Variants in CTTN observed in about 807,000 individuals in gnomAD.
CTTN encodes src substrate cortactin.
CTTN carries 28 observed loss-of-function variants against 84.0 expected under a neutral mutation model. The ratio of observed to expected loss-of-function variants is 0.33; its 90% CI spans 0.25 to 0.46. CTTN has a LOEUF of 0.46. Among genes scored for constraint, CTTN ranks in the 20% least tolerant of loss-of-function variants. CTTN has a pLI of 1.00. For missense variants in CTTN, 641 were observed against 723.8 expected (o/e 0.89, Z 1.31); for synonymous variants, 301 against 288.8 (o/e 1.04, Z -0.43).
intron 6 of CTTN, 48 bp downstream of exon 6, chr11:70,414,700 G>A (rs369219541): frequency 3.4e-4 from 480 of 1,397,276 alleles, no homozygotes; most frequent in Non-Finnish European, 4.5e-4. Context: ...CAAGGGGGGC[G>A]TTCCCCGTAG....
Position 70,436,488 on chromosome 11 carries a change from C to A in CTTN, c.*1326C>A. 2 of 1,222,080 alleles carry A rather than the reference C, an allele frequency of 1.6e-6. No individual in the cohort carries two copies. The highest frequency in any genetic ancestry group is 2.3e-6 in the Non-Finnish European group (2 of 855,592). 75.7% of individuals were successfully genotyped at this position (1,222,080 alleles called of 1,614,324 possible). On this transcript the variant is annotated 3_prime_UTR_variant, in exon 18 of 18. Coordinates refer to ENST00000301843, the MANE Select transcript of CTTN (RefSeq NM_005231.4). ...GAGCAATGAGGTCGGGTTTTATATG[C>A]AACTTATTGTATCTGAATTCCTGTA...
At position 70,420,357 on chromosome 11, in the gene CTTN, C is replaced by T. The variant is rs1345309940; in HGVS notation, c.680-43C>T. On this transcript the variant is annotated intron_variant, in intron 9 of 17. Transcript: ENST00000301843. ...ACATACTTTCCACCTGTGACCTGCACTACCTGTTAATGATGGGTTCTGGCC... is the reference window on the plus strand; with the variant it reads ...ACATACTTTCCACCTGTGACCTGCATTACCTGTTAATGATGGGTTCTGGCC... 2.3e-6 allele frequency: 3 copies of T among 1,313,280 alleles called. No homozygotes were observed. The Admixed American group carries it at 5.0e-5, about 22-fold the overall frequency. The allele number at this position is 1,313,280 out of a possible 1,614,324, so 81.4% of individuals were successfully genotyped here.
intron 8 of CTTN, among the ~76,000 whole-genome samples, chr11:70,418,817 G>C (rs1180726602): frequency 1.4e-5 from 2 of 140,526 alleles, no homozygotes; most frequent in African/African-American, 5.4e-5. Context: ...TCTCTCTCTC[G>C]CCAGGCTGGA....
chr11:70,423,120 G>T (rs2058260083), intron 12 of CTTN, 125 bp downstream of exon 12: 2 of 1,177,634 alleles, frequency 1.7e-6, no homozygotes, highest in South Asian at 1.4e-5. Context: ...TCGTGGTGGT[G>T]GTGGTGGTGG....
At chr11:70,407,198 G>A (rs1008454035) in intron 2 of CTTN, 100 bp from the exon 3 acceptor site, 18 of 903,776 alleles carry the variant, frequency 2.0e-5, no homozygotes, top group Non-Finnish European at 2.6e-5. Context: ...GTCCTCCTGG[G>A]TTGCCTAGAA....
At chr11:70,422,798 T>C in intron 11 of CTTN, 142 bp from the exon 12 acceptor site, 1 of 1,499,502 alleles carries the variant, frequency 6.7e-7, no homozygotes, top group Non-Finnish European at 9.0e-7. Context: ...GCCTTGCAAG[T>C]GAAGCCTCGC....
At chr11:70,416,748 A>G (rs896764895) in intron 7 of CTTN, 1 of 376,260 alleles carries the variant, frequency 2.7e-6, no homozygotes, top group Admixed American at 4.1e-5. Context: ...GTTGATTTTC[A>G]AAGTGGGCAT....
chr11:70,407,247 C>G, intron 2 of CTTN, 51 bp from the exon 3 acceptor site: 1 of 1,496,822 alleles, frequency 6.7e-7, no homozygotes, highest in East Asian at 2.5e-5. Context: ...CTGCTGGCCT[C>G]TGTGGATGGC....
In CTTN at chr11:70,416,984, C is replaced by A. The variant is rs146240174; in HGVS notation, c.458-29C>A. ...AACAGTGTAGTTCGTCCTCAGGCCC[C>A]CGTGCTAATTGCTGCCCTGTCTCTC... On this transcript the variant is annotated intron_variant, in intron 7 of 17. Transcript: ENST00000301843. 9.8e-4 allele frequency: 1,500 copies of A among 1,525,490 alleles called. 16 individuals are homozygous for A. The East Asian group carries it at 0.019, about 20-fold the overall frequency. The allele number at this position is 1,525,490 out of a possible 1,614,324, so 94.5% of individuals were successfully genotyped here. A position where few individuals can be genotyped will look rare whatever the true frequency, so the allele number is the denominator to read the frequency against.
At chr11:70,409,669 A>G (rs1169721014) in intron 4 of CTTN, among the ~76,000 whole-genome samples, 162 bp from the exon 5 acceptor site, 2 of 152,222 alleles carry the variant, frequency 1.3e-5, no homozygotes, top group African/African-American at 4.8e-5. Context: ...AGCCGGCAGA[A>G]TAGTCAGGAA....
rs777671644 is a variant in CTTN, at chr11:70,414,659, G to A, written c.402+7G>A. ...GATGGACAGAGTTGATCAGGTGAGTGATGTGGCACTGGGACTGGGGCAGGT... is the reference window on the plus strand; with the variant it reads ...GATGGACAGAGTTGATCAGGTGAGTAATGTGGCACTGGGACTGGGGCAGGT... On this transcript the variant is annotated splice_region_variant and intron_variant, in intron 6 of 17. Transcript: ENST00000301843. 1.2e-4 allele frequency: 185 copies of A among 1,607,060 alleles called. No individual in the cohort carries two copies. Among genetic ancestry groups the A allele is most frequent in the Non-Finnish European group, 1.5e-4 (181 of 1,173,740 alleles).
chr11:70,410,438 G>A (rs577129963), intron 5 of CTTN: 21 of 161,698 alleles, frequency 1.3e-4, no homozygotes, highest in East Asian at 6.8e-4. Context: ...AGTCTCCCTC[G>A]TGTAAATTCG....
At chr11:70,414,222 A>G (rs971772720) in intron 5 of CTTN, among the ~76,000 whole-genome samples, 3 of 151,912 alleles carry the variant, frequency 2.0e-5, no homozygotes, top group Non-Finnish European at 4.4e-5. Context: ...GCGGGTGCCT[A>G]TAGTCCCAGC....
chr11:70,416,901 C>T (rs1273541163), intron 7 of CTTN, 112 bp from the exon 8 acceptor site: 12 of 768,286 alleles, frequency 1.6e-5, no homozygotes, highest in South Asian at 4.4e-5. Context: ...TTAAAATGTG[C>T]GCTTGATGTG....
chr11:70,433,533 C>T, intron 16 of CTTN, 114 bp from the exon 17 acceptor site: 1 of 918,104 alleles, frequency 1.1e-6, no homozygotes, highest in Non-Finnish European at 1.8e-6. Flanking sequence ...AGGGTTTCAG[C>T]TGCCGCCCTG....
In CTTN at chr11:70,435,251, C is replaced by CTTTTTTT; in HGVS notation, c.*90_*91insTTTTTTT. The CTTTTTTT allele has an allele frequency of 1.0e-6, 1 of 978,292 alleles. No homozygotes were observed. Among genetic ancestry groups the CTTTTTTT allele is most frequent in the Non-Finnish European group, 1.3e-6 (1 of 778,564 alleles). 60.6% of individuals were successfully genotyped at this position (978,292 alleles called of 1,614,324 possible). ...GTTCTTGGGTGGTTTTGGGTTTTTTCTGTTTTTTTTTTTTTTTTTTTTTTT... is the reference window on the plus strand; with the variant it reads ...GTTCTTGGGTGGTTTTGGGTTTTTTCTTTTTTTTGTTTTTTTTTTTTTTTTTTTTTTT... On this transcript the variant is annotated 3_prime_UTR_variant, in exon 18 of 18. Coordinates refer to ENST00000301843, the MANE Select transcript of CTTN (RefSeq NM_005231.4).
intron 2 of CTTN, among the ~76,000 whole-genome samples, chr11:70,406,245 A>G (rs1195329170): frequency 2.0e-5 from 3 of 152,190 alleles, no homozygotes; most frequent in African/African-American, 4.8e-5. Context: ...CCTCACTGTC[A>G]CATTGGATTT....
At chr11:70,406,230 T>A (rs1340612712) in intron 2 of CTTN, among the ~76,000 whole-genome samples, 1 of 152,192 alleles carries the variant, frequency 6.6e-6, no homozygotes, top group East Asian at 1.9e-4. Context: ...CTGCCCTGAT[T>A]GGTCCCTCAC....
chr11:70,404,307 G>A (rs1010122769), intron 1 of CTTN, among the ~76,000 whole-genome samples: 1 of 152,144 alleles, frequency 6.6e-6, no homozygotes, highest in African/African-American at 2.4e-5. Context: ...GATTTCATTC[G>A]TCCATGTGTG....
Sources: allele counts gnomAD v4.1 joint callset (sites outside exome capture counted in the v4.1 genomes callset), GRCh38; gene constraint gnomAD v4.1.1; transcripts MANE v1.5; gene names NCBI Gene and HGNC (gene_info 2026-07-23, HGNC 2026-07-21).